The following SYTL5 variants were observed in gnomAD, a reference collection of about 807,000 sequenced individuals.
SYTL5 encodes synaptotagmin-like protein 5.
A neutral mutation model predicts 55.9 loss-of-function variants in SYTL5; 34 were observed. The ratio of observed to expected loss-of-function variants is 0.61; its 90% CI spans 0.46 to 0.81. SYTL5 has a LOEUF of 0.81. SYTL5 is among the 30% of genes least tolerant of loss of function. The pLI is 0.00. For missense variants in SYTL5, 637 were observed against 546.7 expected (o/e 1.17, Z -1.65); for synonymous variants, 221 against 188.7 (o/e 1.17, Z -1.40).
At chrX:38,106,479 A>G in intron 10 of SYTL5, 114 bp from the exon 11 acceptor site, 3 of 674,807 alleles carry the variant, frequency 4.4e-6, no homozygotes, top group Non-Finnish European at 4.2e-6. Flanking sequence ...TCCTCACCCT[A>G]GACTTCCATG....
chrX:38,014,405 A>G (rs1934285066), intron 1 of SYTL5, among the ~76,000 whole-genome samples: 1 of 112,112 alleles, frequency 8.9e-6, no homozygotes, highest in African/African-American at 3.2e-5. Flanking sequence ...TGGTTTTCCT[A>G]CCTGTAATAT....
chrX:38,055,173 G>T (rs144325185), intron 3 of SYTL5, among the ~76,000 whole-genome samples: 1,221 of 111,844 alleles, frequency 0.011, 10 homozygotes, highest in Middle Eastern at 0.046. Flanking sequence ...AGCCTGCTCT[G>T]CACATCAGCT....
chrX:37,997,708 C>T, the SYTL5 span, among the ~76,000 whole-genome samples: 5 of 112,454 alleles, frequency 4.4e-5, no homozygotes, highest in African/African-American at 1.3e-4. Context: ...GTGCCATGAA[C>T]GGCAGCAGGA....
At chrX:38,066,259 T>C (rs1424429685) in intron 3 of SYTL5, among the ~76,000 whole-genome samples, 2 of 111,902 alleles carry the variant, frequency 1.8e-5, no homozygotes, top group Non-Finnish European at 3.8e-5. Context: ...GCAAAATGAA[T>C]CTTTTGGTCA....
chrX:38,020,438 T>G, intron 1 of SYTL5, among the ~76,000 whole-genome samples: 1 of 98,168 alleles, frequency 1.0e-5, no homozygotes, highest in East Asian at 3.1e-4. Context: ...TATATATATA[T>G]ATATATATAT....
chrX:38,077,342 G>A (rs1028421582), intron 6 of SYTL5, among the ~76,000 whole-genome samples: 1 of 111,545 alleles, frequency 9.0e-6, no homozygotes. Flanking sequence ...ATCAAAGCTA[G>A]CAATGAGAAA....
At chrX:37,904,047 T>C in the SYTL5 span, among the ~76,000 whole-genome samples, 1 of 111,447 alleles carries the variant, frequency 9.0e-6, no homozygotes, top group Non-Finnish European at 1.9e-5. Context: ...CAATGTCTAG[T>C]ATGCATTAGG....
At chrX:38,078,329 C>T (rs1173056647) in intron 6 of SYTL5, among the ~76,000 whole-genome samples, 2 of 108,680 alleles carry the variant, frequency 1.8e-5, no homozygotes, top group African/African-American at 3.4e-5. Flanking sequence ...GGTGCAATCT[C>T]GGCTCACTGC....
At chrX:38,059,967 C>T (rs1045903012) in intron 3 of SYTL5, among the ~76,000 whole-genome samples, 1 of 111,088 alleles carries the variant, frequency 9.0e-6, no homozygotes, top group Non-Finnish European at 1.9e-5. Flanking sequence ...ACACCCAAGG[C>T]CCTCACTCAC....
the SYTL5 span, among the ~76,000 whole-genome samples, chrX:37,893,427 A>G: frequency 1.0e-5 from 1 of 96,564 alleles, no homozygotes; most frequent in East Asian, 3.2e-4. Flanking sequence ...TATATCATCT[A>G]TATATAATAC....
the SYTL5 span, among the ~76,000 whole-genome samples, chrX:37,916,179 C>A: frequency 9.0e-6 from 1 of 111,469 alleles, no homozygotes; most frequent in Admixed American, 9.6e-5. Context: ...CTAAGAGTTG[C>A]CCACTTTAGA....
chrX:37,961,322 C>T, the SYTL5 span, among the ~76,000 whole-genome samples: 1 of 111,024 alleles, frequency 9.0e-6, no homozygotes. Flanking sequence ...CTGGCAAGGT[C>T]CTTTTTGCTT....
At chrX:38,042,643 T>C (rs1935321472) in intron 2 of SYTL5, among the ~76,000 whole-genome samples, 1 of 110,976 alleles carries the variant, frequency 9.0e-6, no homozygotes, top group Non-Finnish European at 1.9e-5. Flanking sequence ...CAGCAGGGGT[T>C]AGTTGGCACT....
intron 1 of SYTL5, among the ~76,000 whole-genome samples, chrX:38,030,114 T>C (rs941104890): frequency 9.0e-6 from 1 of 111,072 alleles, no homozygotes; most frequent in African/African-American, 3.3e-5. Flanking sequence ...TTTTTAACCT[T>C]CTAGGTTGCC....
the SYTL5 span, among the ~76,000 whole-genome samples, chrX:37,971,216 AC>A: frequency 9.5e-6 from 1 of 105,276 alleles, no homozygotes; most frequent in African/African-American, 3.7e-5. Context: ...ACTTATAAAG[AC>A]CTTCTTTTTT....
intron 1 of SYTL5, among the ~76,000 whole-genome samples, chrX:38,013,576 A>G (rs1284468515): frequency 8.9e-6 from 1 of 111,903 alleles, no homozygotes; most frequent in Non-Finnish European, 1.9e-5. Flanking sequence ...CATGTTTCTC[A>G]GAAATTTTAG....
chrX:37,927,650 C>T, the SYTL5 span, among the ~76,000 whole-genome samples: 1 of 110,500 alleles, frequency 9.0e-6, no homozygotes, highest in African/African-American at 3.3e-5. Flanking sequence ...TGGTGGTGCG[C>T]ACCTGTAGTC....
chrX:38,110,399 A>G lies in SYTL5; in HGVS notation c.1513A>G (p.Ser505Gly). Reference protein sequence around the residue: ...VWHYDRFGRNSFLGEVEIPFD... With the variant: ...VWHYDRFGRNGFLGEVEIPFD... ...GCACTATGATCGATTTGGACGTAAT[A>G]GCTTCCTCGGGGAAGTAGAGATTCC... The change falls in exon 13 of 17, where the codon AGC (serine) becomes GGC (glycine). Residue 505 changes from serine (S) to glycine (G), a missense_variant. By Grantham distance (56) the Ser-to-Gly change is moderately conservative. Coordinates refer to ENST00000297875, the MANE Select transcript of SYTL5 (RefSeq NM_138780.3). 1 of 1,209,247 alleles carries G rather than the reference A, an allele frequency of 8.3e-7. No individual in the cohort carries two copies. The highest frequency in any genetic ancestry group is 1.1e-6 in the Non-Finnish European group (1 of 893,734).
chrX:37,901,757 G>A, the SYTL5 span, among the ~76,000 whole-genome samples: 3 of 111,790 alleles, frequency 2.7e-5, no homozygotes, highest in Middle Eastern at 4.6e-3. Flanking sequence ...TTGTGTAAGG[G>A]AAGTTTGAGA....
Sources: allele counts gnomAD v4.1 joint callset (sites outside exome capture counted in the v4.1 genomes callset), GRCh38; gene constraint gnomAD v4.1.1; transcripts MANE v1.5; gene names NCBI Gene and HGNC (gene_info 2026-07-23, HGNC 2026-07-21).